The following ESRRG variants were observed in gnomAD, a reference collection of about 807,000 sequenced individuals.
The protein encoded by ESRRG is estrogen-related receptor gamma.
In ESRRG, 13 loss-of-function variants were observed where a neutral mutation model predicts 44.0. That is an observed-to-expected ratio of 0.30 (90% CI 0.19 to 0.47). The LOEUF is 0.47. Ranked by LOEUF, ESRRG falls within the 20% of genes least tolerant of loss-of-function variation. ESRRG has a pLI of 1.00. For synonymous variants in ESRRG, 215 were observed against 214.6 expected (o/e 1.00, Z -0.02); for missense variants, 395 against 580.6 (o/e 0.68, Z 3.29).
chr1:216,726,318 C>T (rs1354317054), upstream of ESRRG, among the ~76,000 whole-genome samples: 1 of 151,236 alleles, frequency 6.6e-6, no homozygotes, highest in Non-Finnish European at 1.5e-5. Context: ...TCCAGTTTAA[C>T]CAATTTAAAA....
chr1:216,964,696 T>C (rs1456836993), intron 1 of ESRRG, among the ~76,000 whole-genome samples: 2 of 151,868 alleles, frequency 1.3e-5, no homozygotes, highest in Admixed American at 1.3e-4. Flanking sequence ...TGGCTCTCTA[T>C]ATTAAAAATG....
intron 1 of ESRRG, among the ~76,000 whole-genome samples, chr1:217,063,547 T>C (rs978715416): frequency 2.0e-5 from 3 of 152,178 alleles, no homozygotes; most frequent in African/African-American, 7.2e-5. Context: ...AAAAAAGGGC[T>C]GCTTATAAAC....
chr1:216,737,447 A>G (rs986110238), intron 2 of ESRRG, among the ~76,000 whole-genome samples: 4 of 152,160 alleles, frequency 2.6e-5, no homozygotes, highest in Non-Finnish European at 5.9e-5. Flanking sequence ...ATTGGTTTCA[A>G]CCTTTGAAAA....
At chr1:216,986,241 G>C (rs969632032) in intron 1 of ESRRG, among the ~76,000 whole-genome samples, 4 of 152,124 alleles carry the variant, frequency 2.6e-5, no homozygotes, top group African/African-American at 9.7e-5. Context: ...TTATATTTAG[G>C]TGGCTCACAA....
chr1:217,021,348 G>A (rs2080292052), intron 1 of ESRRG, among the ~76,000 whole-genome samples: 1 of 152,070 alleles, frequency 6.6e-6, no homozygotes, highest in Non-Finnish European at 1.5e-5. Context: ...GCTCCTGCAG[G>A]GATCAAACCC....
intron 3 of ESRRG, among the ~76,000 whole-genome samples, chr1:216,600,646 A>C (rs1220283270): frequency 6.6e-6 from 1 of 152,128 alleles, no homozygotes; most frequent in African/African-American, 2.4e-5. Flanking sequence ...CCCATTAGTT[A>C]TTTTAAAAAT....
At chr1:217,090,309 G>C (rs1156683098), upstream of ESRRG, 1 of 152,084 alleles carries the variant, frequency 6.6e-6, no homozygotes, top group Non-Finnish European at 1.5e-5. Context: ...GAAAAACGTG[G>C]GGGGAGGGGA....
intron 5 of ESRRG, among the ~76,000 whole-genome samples, chr1:216,530,263 C>T (rs910111517): frequency 7.5e-6 from 1 of 134,174 alleles, no homozygotes; most frequent in Non-Finnish European, 1.7e-5. Context: ...TTGAAATAAG[C>T]TGTAGTGAAT....
At position 216,503,801 on chromosome 1, in the gene ESRRG, G is replaced by A. The variant is rs1429474166; in HGVS notation, c.*3138C>T. 6.6e-6 allele frequency: 1 copy of A among 152,340 alleles called. No homozygotes were observed. Among genetic ancestry groups the A allele is most frequent in the Non-Finnish European group, 1.5e-5 (1 of 67,930 alleles). 9.4% of individuals were successfully genotyped at this position (152,340 alleles called of 1,614,324 possible). A position where few individuals can be genotyped will look rare whatever the true frequency, so the allele number is the denominator to read the frequency against. On this transcript the variant is annotated 3_prime_UTR_variant, in exon 7 of 7. Transcript: ENST00000408911. ...ATTGAAACACAAGTGTAACTACAAG[G>A]AGTCACACAATCATATTGCTTTAAA...
At chr1:216,525,185 GGTTTT>G (rs143274236) in intron 5 of ESRRG, among the ~76,000 whole-genome samples, 1,758 of 152,172 alleles carry the variant, frequency 0.012, 20 homozygotes, top group Non-Finnish European at 0.018. Context: ...GATGACAAGA[GGTTTT>G]GTTTTGTTTT....
At chr1:216,734,125 C>A (rs2089423608) in intron 2 of ESRRG, among the ~76,000 whole-genome samples, 1 of 151,916 alleles carries the variant, frequency 6.6e-6, no homozygotes, top group Non-Finnish European at 1.5e-5. Flanking sequence ...TGGTTTGTGT[C>A]AAGGTAGATT....
chr1:216,780,573 C>G (rs2093895854), intron 2 of ESRRG, among the ~76,000 whole-genome samples: 1 of 152,000 alleles, frequency 6.6e-6, no homozygotes, highest in Admixed American at 6.6e-5. Context: ...CTGTTACTAT[C>G]AATATCTTCA....
intron 1 of ESRRG, among the ~76,000 whole-genome samples, chr1:216,687,285 T>C (rs1174294651): frequency 6.6e-6 from 1 of 152,010 alleles, no homozygotes; most frequent in African/African-American, 2.4e-5. Context: ...GTGGGAGGCG[T>C]TGGCGGAAGG....
chr1:216,959,197 C>A (rs971070157), intron 1 of ESRRG, among the ~76,000 whole-genome samples: 2 of 152,176 alleles, frequency 1.3e-5, no homozygotes, highest in Non-Finnish European at 2.9e-5. Flanking sequence ...AACTTTTGCT[C>A]ACTACTGATT....
rs376701865 is a variant in ESRRG at position 216,516,668 on chromosome 1, C to CACACAGAGAGAGAG, written c.1132+2483_1132+2484insCTCTCTCTCTGTGT. The stretch of plus-strand genomic sequence containing the variant: ...ACACACACACACACACACACACACA[C>CACACAGAGAGAGAG]AGAGAGAGAGAGAGAAACGACAAAA... On this transcript the variant is annotated intron_variant, in intron 6 of 6. Transcript: ENST00000408911. Among the ~76,000 whole-genome samples, 521 of 137,228 alleles carry CACACAGAGAGAGAG rather than the reference C, an allele frequency of 3.8e-3. 8 individuals are homozygous for CACACAGAGAGAGAG. The highest frequency in any genetic ancestry group is 0.015 in the African/African-American group (501 of 34,046). The allele number at this position is 137,228 out of a possible 152,430, so 90.0% of individuals were successfully genotyped here. A position where few individuals can be genotyped will look rare whatever the true frequency, so the allele number is the denominator to read the frequency against.
chr1:216,714,847 A>T (rs1016863315), intron 1 of ESRRG, among the ~76,000 whole-genome samples: 1 of 152,176 alleles, frequency 6.6e-6, no homozygotes, highest in Non-Finnish European at 1.5e-5. Context: ...ATTGAAAGAC[A>T]CACCTAATCA....
chr1:216,676,947 A>G, intron 2 of ESRRG, 129 bp downstream of exon 2: 1 of 663,224 alleles, frequency 1.5e-6, no homozygotes, highest in East Asian at 2.7e-5. Flanking sequence ...ATTGTAATCT[A>G]TTTCCATTTT....
At chr1:216,848,672 T>C (rs2095797212) in intron 2 of ESRRG, among the ~76,000 whole-genome samples, 1 of 152,164 alleles carries the variant, frequency 6.6e-6, no homozygotes, top group Non-Finnish European at 1.5e-5. Context: ...ATGCTGGAAA[T>C]GTTGCCTACC....
chr1:216,599,732 T>G (rs147104341), intron 3 of ESRRG, among the ~76,000 whole-genome samples: 119 of 151,650 alleles, frequency 7.8e-4, no homozygotes, highest in African/African-American at 2.8e-3. Flanking sequence ...TTTCAAATAT[T>G]AAAAGATGAC....
Sources: gnomAD v4.1 joint callset for allele counts (sites outside exome capture counted in the v4.1 genomes callset) on GRCh38, gnomAD v4.1.1 for gene constraint, MANE v1.5 for transcripts, NCBI Gene and HGNC (gene_info 2026-07-23, HGNC 2026-07-21) for gene names.